Variants in LTBP1 observed in about 807,000 individuals in gnomAD.
LTBP1 encodes latent transforming growth factor beta binding protein 1, also known as latent-transforming growth factor beta-binding protein 1.
LTBP1 carries 129 observed loss-of-function variants against 207.6 expected under a neutral mutation model. That is an observed-to-expected ratio of 0.62 (90% CI 0.54 to 0.72). The LOEUF (loss-of-function observed/expected upper bound fraction) is 0.72, where lower values mean the gene tolerates loss of function less well. Ranked by LOEUF, LTBP1 falls within the 30% of genes least tolerant of loss-of-function variation. The pLI, the probability that LTBP1 is intolerant of heterozygous loss-of-function variation, is 0.00. For synonymous variants in LTBP1, 963 were observed against 833.7 expected (o/e 1.16, Z -2.67); for missense variants, 2,281 against 2,217.2 (o/e 1.03, Z -0.58).
intron 5 of LTBP1, among the ~76,000 whole-genome samples, chr2:33,151,296 TTC>T (rs1223148447): frequency 1.3e-5 from 2 of 152,216 alleles, no homozygotes; most frequent in African/African-American, 2.4e-5. Flanking sequence ...CAGGTGATAA[TTC>T]TCTGTTTAAC....
rs56171359 is a variant in LTBP1 at position 33,341,729 on chromosome 2, A to AATATATATATATAT, written c.3731-1106_3731-1093dup. ...CCGTCTCACTCAAAAAAAAAAAAAAAATATATATATATATATGTATATTTA... is the reference window on the plus strand; with the variant it reads ...CCGTCTCACTCAAAAAAAAAAAAAAAATATATATATATATATATATATATATATATGTATATTTA... On this transcript the variant is annotated intron_variant, in intron 24 of 33. Transcript: ENST00000404816. Among the ~76,000 whole-genome samples, 444 of 93,550 alleles carry AATATATATATATAT rather than the reference A, an allele frequency of 4.7e-3. 6 individuals are homozygous for AATATATATATATAT. Among genetic ancestry groups the AATATATATATATAT allele is most frequent in the Admixed American group, 0.023 (183 of 7,942 alleles). 61.4% of individuals were successfully genotyped at this position (93,550 alleles called of 152,430 possible).
Position 33,217,539 on chromosome 2 carries a change from C to G in LTBP1, c.1702-13C>G. The G allele has an allele frequency of 1.3e-6, 2 of 1,594,770 alleles. No homozygotes were observed. Among genetic ancestry groups the G allele is most frequent in the South Asian group, 2.2e-5 (2 of 90,624 alleles). On this transcript the variant is annotated splice_polypyrimidine_tract_variant and intron_variant, in intron 7 of 33. Coordinates refer to ENST00000404816, the MANE Select transcript of LTBP1 (RefSeq NM_206943.4). ...CTCAATTAACCTTCATATTTCACAC[C>G]TAATCATTGCAGTGTGGCAAAGCGC...
intron 24 of LTBP1, among the ~76,000 whole-genome samples, chr2:33,326,438 T>A (rs2094427933): frequency 6.6e-6 from 1 of 152,074 alleles, no homozygotes; most frequent in African/African-American, 2.4e-5. Context: ...TCCTGGTCAT[T>A]CACTGAATGA....
intron 9 of LTBP1, among the ~76,000 whole-genome samples, chr2:33,224,143 C>T (rs1396402313): frequency 1.3e-5 from 2 of 152,100 alleles, no homozygotes; most frequent in African/African-American, 4.8e-5. Context: ...CTTATCATAT[C>T]CCTGGCCAAT....
chr2:33,206,920 C>G (rs1018512554), intron 7 of LTBP1, among the ~76,000 whole-genome samples: 2 of 152,092 alleles, frequency 1.3e-5, no homozygotes, highest in Admixed American at 6.5e-5. Context: ...ATTCGATCTA[C>G]TCACCATCTA....
At chr2:33,276,993 C>G (rs1053663284) in intron 18 of LTBP1, among the ~76,000 whole-genome samples, 1 of 152,178 alleles carries the variant, frequency 6.6e-6, no homozygotes, top group Non-Finnish European at 1.5e-5. Context: ...GGCACGGGAG[C>G]ATGGTGCTGG....
At chr2:32,993,158 C>T (rs184048295) in intron 2 of LTBP1, among the ~76,000 whole-genome samples, 3 of 152,114 alleles carry the variant, frequency 2.0e-5, no homozygotes, top group East Asian at 1.9e-4. Flanking sequence ...AGGATCCAAA[C>T]GGTGTGCTAG....
Position 33,336,531 on chromosome 2 carries a change from T to A in LTBP1, c.3731-6307T>A, listed in dbSNP as rs2094555325. Among the ~76,000 whole-genome samples, 3 of 152,206 alleles carry A rather than the reference T, an allele frequency of 2.0e-5. No individual in the cohort carries two copies. In the South Asian group the frequency reaches 6.2e-4, roughly 32 times the overall value. ...TTCCGTTAAGTCAAAATGGACCATA[T>A]GATTCATCTAAAAATGTTCTAAGAC... On this transcript the variant is annotated intron_variant, in intron 24 of 33. Transcript: ENST00000404816.
chr2:32,984,951 A>G (rs1431161029), intron 2 of LTBP1, among the ~76,000 whole-genome samples: 2 of 151,982 alleles, frequency 1.3e-5, no homozygotes, highest in Non-Finnish European at 2.9e-5. Flanking sequence ...AAACAAAACA[A>G]AACAAAACAA....
At chr2:33,030,985 ATTTTC>A (rs1246237984) in intron 3 of LTBP1, among the ~76,000 whole-genome samples, 2 of 151,942 alleles carry the variant, frequency 1.3e-5, no homozygotes, top group African/African-American at 2.4e-5. Flanking sequence ...TGTGCTTATA[ATTTTC>A]TTTAATTTCT....
chr2:33,314,747 G>A (rs2094240907), intron 23 of LTBP1, among the ~76,000 whole-genome samples: 1 of 152,188 alleles, frequency 6.6e-6, no homozygotes, highest in Non-Finnish European at 1.5e-5. Flanking sequence ...AGGCAGGAAT[G>A]TAACAAGGTA....
At chr2:33,093,368 G>A (rs116623514) in intron 3 of LTBP1, among the ~76,000 whole-genome samples, 2,484 of 151,986 alleles carry the variant, frequency 0.016, 31 homozygotes, top group Middle Eastern at 0.085. Context: ...TGTTGTTCAC[G>A]GATTCTAATG....
intron 8 of LTBP1, among the ~76,000 whole-genome samples, chr2:33,220,487 C>A (rs1000827158): frequency 2.0e-5 from 3 of 152,254 alleles, no homozygotes; most frequent in Middle Eastern, 3.4e-3. Flanking sequence ...CAAATGATTT[C>A]TTAAATAGTT....
intron 5 of LTBP1, among the ~76,000 whole-genome samples, chr2:33,158,457 C>T (rs2084186159): frequency 6.6e-6 from 1 of 152,158 alleles, no homozygotes; most frequent in Admixed American, 6.5e-5. Flanking sequence ...CATCACAGTT[C>T]TGTGCCACTT....
chr2:33,056,377 GA>G, intron 3 of LTBP1: 1 of 1,251,750 alleles, frequency 8.0e-7, no homozygotes, highest in Non-Finnish European at 1.0e-6. Context: ...TTTGGTAACA[GA>G]ATGGCCTGGA....
At chr2:33,350,844 T>TA (rs1368448769) in intron 26 of LTBP1, among the ~76,000 whole-genome samples, 1 of 152,218 alleles carries the variant, frequency 6.6e-6, no homozygotes, top group Non-Finnish European at 1.5e-5. Context: ...AGTAAATATT[T>TA]AATCTTGGCA....
At chr2:33,054,297 G>A (rs2076882513) in intron 3 of LTBP1, among the ~76,000 whole-genome samples, 1 of 152,214 alleles carries the variant, frequency 6.6e-6, no homozygotes, top group African/African-American at 2.4e-5. Flanking sequence ...GCTTTCAAAT[G>A]TTTAATAATA....
chr2:33,315,965 A>G (rs2094265590), intron 24 of LTBP1, among the ~76,000 whole-genome samples: 1 of 152,056 alleles, frequency 6.6e-6, no homozygotes, highest in African/African-American at 2.4e-5. Flanking sequence ...GTCTTGCTTG[A>G]TTTTTCTGTA....
At chr2:33,232,861 G>A (rs1197457309) in intron 9 of LTBP1, among the ~76,000 whole-genome samples, 4 of 152,006 alleles carry the variant, frequency 2.6e-5, no homozygotes, top group African/African-American at 4.8e-5. Context: ...GAGACTACTC[G>A]TGTGTACAAT....
Sources: gnomAD v4.1 joint callset for allele counts (sites outside exome capture counted in the v4.1 genomes callset) on GRCh38, gnomAD v4.1.1 for gene constraint, MANE v1.5 for transcripts, NCBI Gene and HGNC (gene_info 2026-07-23, HGNC 2026-07-21) for gene names.